The following MEOX2 variants were observed in gnomAD, a reference collection of about 807,000 sequenced individuals.
MEOX2 encodes mesenchyme homeobox 2, also known as homeobox protein MOX-2.
MEOX2 carries 11 observed loss-of-function variants against 27.0 expected under a neutral mutation model. That is an observed-to-expected ratio of 0.41 (90% CI 0.26 to 0.68). MEOX2 has a LOEUF of 0.68. MEOX2 is among the 30% of genes least tolerant of loss of function. MEOX2 has a pLI of 0.33. For missense variants in MEOX2, 436 were observed against 385.4 expected (o/e 1.13, Z -1.10); for synonymous variants, 189 against 155.4 (o/e 1.22, Z -1.61).
At chr7:15,625,971 C>T (rs553926135) in intron 2 of MEOX2, among the ~76,000 whole-genome samples, 20 of 152,152 alleles carry the variant, frequency 1.3e-4, no homozygotes, top group East Asian at 7.7e-4. Flanking sequence ...TTACTGACAC[C>T]GATACAATTT....
chr7:15,635,280 T>G (rs1162688564), intron 1 of MEOX2, among the ~76,000 whole-genome samples: 1 of 152,008 alleles, frequency 6.6e-6, no homozygotes, highest in Non-Finnish European at 1.5e-5. Flanking sequence ...TATGAACTCC[T>G]GAAATATCCT....
At chr7:15,673,703 T>A (rs574034933) in intron 1 of MEOX2, among the ~76,000 whole-genome samples, 2 of 151,592 alleles carry the variant, frequency 1.3e-5, no homozygotes, top group East Asian at 3.9e-4. Context: ...AGATGAGAGA[T>A]TGTAGACAGA....
chr7:15,621,399 C>G (rs540956732), intron 2 of MEOX2, among the ~76,000 whole-genome samples: 15 of 152,258 alleles, frequency 9.9e-5, no homozygotes, highest in African/African-American at 3.6e-4. Flanking sequence ...GAATGAGCCT[C>G]TTTTTTTCCT....
At chr7:15,680,142 A>G (rs1001899747) in intron 1 of MEOX2, 1 of 151,924 alleles carries the variant, frequency 6.6e-6, no homozygotes, top group Non-Finnish European at 1.5e-5. Context: ...AACCCATTCG[A>G]TCATACACTT....
intron 1 of MEOX2, chr7:15,681,370 C>T (rs1467981649): frequency 6.6e-6 from 1 of 151,602 alleles, no homozygotes; most frequent in East Asian, 1.9e-4. Context: ...TAAAATTTCG[C>T]AAGCAAGGCA....
chr7:15,658,422 C>G (rs970145292), intron 1 of MEOX2, among the ~76,000 whole-genome samples: 4 of 152,146 alleles, frequency 2.6e-5, no homozygotes, highest in African/African-American at 9.7e-5. Context: ...TGAGGCTCCT[C>G]CTTTCCTGGA....
intron 1 of MEOX2, among the ~76,000 whole-genome samples, chr7:15,635,951 A>G (rs892009559): frequency 6.6e-6 from 1 of 152,038 alleles, no homozygotes; most frequent in African/African-American, 2.4e-5. Context: ...TCAGTGAAAC[A>G]TAACCAAACC....
chr7:15,685,878 G>A lies in MEOX2; in HGVS notation c.517+8C>T. ...GCGCACTCTCGAGGGTGCCTGGCGC[G>A]CCCTTACCTGAGCTGTCGCTTTTCC... On this transcript the variant is annotated splice_region_variant and intron_variant, in intron 1 of 2. Coordinates refer to ENST00000262041, the MANE Select transcript of MEOX2 (RefSeq NM_005924.5). 6.3e-7 allele frequency: 1 copy of A among 1,578,846 alleles called. No homozygotes were observed. The highest frequency in any genetic ancestry group is 8.6e-7 in the Non-Finnish European group (1 of 1,163,996).
At chr7:15,626,718 A>T (rs540917999) in intron 2 of MEOX2, 28 bp downstream of exon 2, 4 of 1,567,250 alleles carry the variant, frequency 2.6e-6, no homozygotes, top group Admixed American at 3.4e-5. Context: ...ATTAAAAAAG[A>T]TCATATAATG....
At chr7:15,629,945 G>C (rs1373993623) in intron 1 of MEOX2, among the ~76,000 whole-genome samples, 4 of 151,940 alleles carry the variant, frequency 2.6e-5, no homozygotes, top group Non-Finnish European at 5.9e-5. Context: ...TGAGGCAAAA[G>C]TCCCTCCCTT....
chr7:15,641,109 G>C (rs1781553052), intron 1 of MEOX2, among the ~76,000 whole-genome samples: 1 of 151,996 alleles, frequency 6.6e-6, no homozygotes, highest in Non-Finnish European at 1.5e-5. Context: ...CTTCTGTCTT[G>C]TATGTCTGGT....
At chr7:15,683,974 T>TGG (rs200296868) in intron 1 of MEOX2, among the ~76,000 whole-genome samples, 2,737 of 152,148 alleles carry the variant, frequency 0.018, 84 homozygotes, top group African/African-American at 0.064. Context: ...CCCACTAAGT[T>TGG]GGGGGGGAGA....
intron 2 of MEOX2, among the ~76,000 whole-genome samples, chr7:15,624,525 C>T (rs549293498): frequency 2.6e-5 from 4 of 152,222 alleles, no homozygotes; most frequent in Middle Eastern, 3.4e-3. Context: ...CCTTGCTCAC[C>T]GGAGTTTTCC....
Position 15,685,982 on chromosome 7 carries a change from C to T in MEOX2, c.421G>A (p.Gly141Arg), listed in dbSNP as rs148170403. 7.1e-4 allele frequency: 1,150 copies of T among 1,610,290 alleles called. 4 individuals are homozygous for T. The highest frequency in any genetic ancestry group is 3.8e-4 in the Non-Finnish European group (448 of 1,179,770). The change falls in exon 1 of 3, where the codon GGG becomes AGG. Residue 141 changes from glycine to arginine, a missense_variant. Transcript: ENST00000262041. ...TAGTCCCCCGGCGCGCACGCGGCCC[C>T]AGTCGGGGTGCTGGAGCCCAAGCTG... ...SSSLGSSTPT[G>R]AACAPGDYGR...
At chr7:15,643,314 A>G (rs753913470) in intron 1 of MEOX2, among the ~76,000 whole-genome samples, 7 of 152,140 alleles carry the variant, frequency 4.6e-5, no homozygotes, top group Non-Finnish European at 1.0e-4. Context: ...TCTGCTGCCA[A>G]GGTAGCTGGA....
At chr7:15,673,153 G>A (rs2115392115) in intron 1 of MEOX2, among the ~76,000 whole-genome samples, 1 of 152,274 alleles carries the variant, frequency 6.6e-6, no homozygotes, top group Non-Finnish European at 1.5e-5. Flanking sequence ...GCCTATGCTG[G>A]AAAACACACT....
intron 2 of MEOX2, among the ~76,000 whole-genome samples, chr7:15,616,174 ACT>A (rs1781121216): frequency 1.3e-5 from 2 of 151,764 alleles, no homozygotes; most frequent in South Asian, 4.1e-4. Context: ...ATATAGAATA[ACT>A]CTAATACCTT....
chr7:15,659,241 T>C (rs1038114905), intron 1 of MEOX2, among the ~76,000 whole-genome samples: 1 of 152,202 alleles, frequency 6.6e-6, no homozygotes, highest in African/African-American at 2.4e-5. Context: ...AACTTATTTA[T>C]AAACTAGGCA....
intron 1 of MEOX2, among the ~76,000 whole-genome samples, chr7:15,629,573 T>C (rs1471290525): frequency 1.3e-5 from 2 of 152,098 alleles, no homozygotes; most frequent in African/African-American, 4.8e-5. Flanking sequence ...AGTGGATGTA[T>C]GCTTCTTGAT....
Sources: allele counts gnomAD v4.1 joint callset (sites outside exome capture counted in the v4.1 genomes callset), GRCh38; gene constraint gnomAD v4.1.1; transcripts MANE v1.5; gene names NCBI Gene and HGNC (gene_info 2026-07-23, HGNC 2026-07-21).